Variants in ADCY3 observed in about 807,000 individuals in gnomAD.
The protein encoded by ADCY3 is adenylate cyclase 3, also known as adenylate cyclase type 3.
In ADCY3, 70 loss-of-function variants were observed where a neutral mutation model predicts 119.4. The observed-to-expected ratio is 0.59, with a 90% CI of 0.48 to 0.72. The LOEUF is 0.72. Among genes scored for constraint, ADCY3 ranks in the 30% least tolerant of loss-of-function variants. The probability of loss-of-function intolerance (pLI) is 0.00; values close to 1 mark genes in which losing one functional copy is unlikely to be tolerated. For synonymous variants in ADCY3, 672 were observed against 621.4 expected (o/e 1.08, Z -1.21); for missense variants, 1,238 against 1,541.6 (o/e 0.80, Z 3.30).
chr2:24,879,324 AAGTT>A (rs1160361000), intron 2 of ADCY3, among the ~76,000 whole-genome samples: 5 of 151,740 alleles, frequency 3.3e-5, no homozygotes, highest in Non-Finnish European at 7.4e-5. Context: ...AAAATGCAAA[AAGTT>A]AGCCAGGCGT....
At chr2:24,831,219 G>C (rs937348158) in intron 12 of ADCY3, among the ~76,000 whole-genome samples, 4 of 132,754 alleles carry the variant, frequency 3.0e-5, no homozygotes, top group African/African-American at 1.1e-4. Context: ...CTTTACCTTT[G>C]TCATTCTGAT....
chr2:24,830,329 G>A (rs186832685), intron 13 of ADCY3, among the ~76,000 whole-genome samples: 35 of 152,252 alleles, frequency 2.3e-4, no homozygotes, highest in African/African-American at 7.5e-4. Context: ...GTGAGCTACC[G>A]CGCCCAACCA....
intron 3 of ADCY3, among the ~76,000 whole-genome samples, chr2:24,843,810 G>A (rs1395015599): frequency 6.6e-6 from 1 of 152,244 alleles, no homozygotes. Flanking sequence ...CCATGGGTTG[G>A]ATAAGCAGTA....
chr2:24,880,383 G>C (rs147852051), intron 2 of ADCY3, among the ~76,000 whole-genome samples: 1 of 151,972 alleles, frequency 6.6e-6, no homozygotes, highest in Non-Finnish European at 1.5e-5. Flanking sequence ...TCTTGACTCT[G>C]GTTGCTCCTC....
At chr2:24,824,241 T>G in intron 17 of ADCY3, 137 bp downstream of exon 17, 1 of 1,083,496 alleles carries the variant, frequency 9.2e-7, no homozygotes, top group South Asian at 1.7e-5. Context: ...TATTTGTGTT[T>G]GCTGTTTAGG....
At chr2:24,909,079 T>C (rs67221599) in intron 2 of ADCY3, among the ~76,000 whole-genome samples, 48,800 of 152,092 alleles carry the variant, frequency 0.32, 7,963 homozygotes, top group East Asian at 0.38. Flanking sequence ...AGGTCTGGTA[T>C]ACAGAAGGTG....
At chr2:24,862,672 T>G (rs1445068690) in intron 3 of ADCY3, among the ~76,000 whole-genome samples, 1 of 151,998 alleles carries the variant, frequency 6.6e-6, no homozygotes, top group Non-Finnish European at 1.5e-5. Context: ...ACATGGTGAG[T>G]GTACTAAACC....
At chr2:24,906,119 C>A (rs1020923847) in intron 2 of ADCY3, among the ~76,000 whole-genome samples, 1 of 152,036 alleles carries the variant, frequency 6.6e-6, no homozygotes, top group African/African-American at 2.4e-5. Context: ...CCAGCCTGGC[C>A]AACATGGTGA....
chr2:24,819,535 C>T lies in ADCY3; in HGVS notation c.*397G>A, dbSNP rs1667216751. On this transcript the variant is annotated 3_prime_UTR_variant, in exon 22 of 22. Transcript: ENST00000679454. ...TCAAAATGGGAGCCATGTCCTGCCC[C>T]ACCAAGCCCTGTCTGAAGTGGAGCT... 6.2e-6 allele frequency: 1 copy of T among 160,742 alleles called. No homozygotes were observed. The highest frequency in any genetic ancestry group is 2.4e-5 in the African/African-American group (1 of 41,702). 10.0% of individuals were successfully genotyped at this position (160,742 alleles called of 1,614,324 possible). A position where few individuals can be genotyped will look rare whatever the true frequency, so the allele number is the denominator to read the frequency against.
intron 20 of ADCY3, chr2:24,821,309 C>T (rs1245876590): frequency 7.8e-6 from 5 of 641,432 alleles, no homozygotes; most frequent in South Asian, 4.0e-5. Flanking sequence ...ACAGTATAGT[C>T]GGATCATCAC....
chr2:24,849,524 C>G (rs1048345792), intron 3 of ADCY3, among the ~76,000 whole-genome samples: 1 of 152,090 alleles, frequency 6.6e-6, no homozygotes, highest in Admixed American at 6.5e-5. Flanking sequence ...GCTAAGAGCA[C>G]AAATATGTTC....
chr2:24,860,988 C>T (rs1050274507), intron 3 of ADCY3, among the ~76,000 whole-genome samples: 1 of 152,212 alleles, frequency 6.6e-6, no homozygotes, highest in African/African-American at 2.4e-5. Context: ...ATGGGGCTCA[C>T]GACTGCAATC....
intron 2 of ADCY3, among the ~76,000 whole-genome samples, chr2:24,884,471 CTTTT>C (rs1201387570): frequency 6.1e-5 from 6 of 97,860 alleles, no homozygotes; most frequent in African/African-American, 1.9e-4. Context: ...TTCTAATAAT[CTTTT>C]TTTTTTTTTT....
chr2:24,830,939 G>T, intron 12 of ADCY3, 114 bp from the exon 13 acceptor site: 1 of 811,538 alleles, frequency 1.2e-6, no homozygotes, highest in Non-Finnish European at 2.0e-6. Flanking sequence ...CCTCAAAACG[G>T]ACTCTGCCTG....
chr2:24,895,625 CTTCT>C (rs989774198), intron 2 of ADCY3, among the ~76,000 whole-genome samples: 3 of 151,174 alleles, frequency 2.0e-5, no homozygotes, highest in Admixed American at 6.6e-5. Flanking sequence ...TTTCTTTCTT[CTTCT>C]TTTTTTTTTT....
chr2:24,838,244 C>G (rs1572848758), intron 8 of ADCY3, among the ~76,000 whole-genome samples: 1 of 152,216 alleles, frequency 6.6e-6, no homozygotes, highest in South Asian at 2.1e-4. Flanking sequence ...TCCATTGCAA[C>G]CTGCCATGAA....
At chr2:24,913,101 C>T (rs1455602722) in intron 2 of ADCY3, among the ~76,000 whole-genome samples, 1 of 152,202 alleles carries the variant, frequency 6.6e-6, no homozygotes, top group Admixed American at 6.5e-5. Flanking sequence ...GTGGAGGAGC[C>T]CAGGGCCAAA....
rs771015356 is a variant in ADCY3, at chr2:24,865,372, G to A, written c.825+7198C>T. Among the ~76,000 whole-genome samples the A allele has an allele frequency of 3.9e-5, 6 of 152,106 alleles. No homozygotes were observed. The South Asian group carries it at 1.2e-3, about 32-fold the overall frequency. On this transcript the variant is annotated intron_variant, in intron 3 of 21. Transcript: ENST00000679454. Reference sequence around the variant, plus strand: ...AGGTAGGAGAATCGCTTAAACCCAGGAGGCGGAAGTTGTGAGTCGAAATTG... The same window carrying A: ...AGGTAGGAGAATCGCTTAAACCCAGAAGGCGGAAGTTGTGAGTCGAAATTG...
intron 3 of ADCY3, among the ~76,000 whole-genome samples, chr2:24,862,232 C>G (rs1054467225): frequency 6.6e-6 from 1 of 152,164 alleles, no homozygotes; most frequent in Non-Finnish European, 1.5e-5. Flanking sequence ...TCACCAGGTC[C>G]CTTTCTATCT....
Sources: allele counts gnomAD v4.1 joint callset (sites outside exome capture counted in the v4.1 genomes callset), GRCh38; gene constraint gnomAD v4.1.1; transcripts MANE v1.5; gene names NCBI Gene and HGNC (gene_info 2026-07-23, HGNC 2026-07-21).